GANC: variants seen among roughly 807,000 people sequenced by gnomAD.
The protein encoded by GANC is neutral alpha-glucosidase C.
Under a neutral mutation model 124.2 loss-of-function variants are expected in GANC, and 117 were observed. That is an observed-to-expected ratio of 0.94 (90% CI 0.81 to 1.10). GANC has a LOEUF of 1.10. GANC is among the 50% of genes least tolerant of loss of function. GANC has a pLI of 0.00. For synonymous variants in GANC, 377 were observed against 376.8 expected (o/e 1.00, Z -0.01); for missense variants, 1,140 against 1,095.0 (o/e 1.04, Z -0.58).
At chr15:42,307,442 A>G (rs1595772104) in intron 7 of GANC, among the ~76,000 whole-genome samples, 1 of 150,108 alleles carries the variant, frequency 6.7e-6, no homozygotes, top group African/African-American at 2.5e-5. Context: ...TGAGTGATGC[A>G]CCTGCCTCGG....
chr15:42,277,981 T>A (rs1303091615), intron 2 of GANC: 1 of 244,018 alleles, frequency 4.1e-6, no homozygotes, highest in Non-Finnish European at 8.9e-6. Context: ...AAAAATTGTA[T>A]TATACAGTAT....
intron 5 of GANC, among the ~76,000 whole-genome samples, 183 bp from the exon 6 acceptor site, chr15:42,297,428 G>A (rs946482018): frequency 3.3e-5 from 5 of 152,028 alleles, no homozygotes; most frequent in Admixed American, 6.5e-5. Context: ...CTCCCAAGTA[G>A]CTGGGATTAC....
chr15:42,346,725 CAGG>C (rs1413643766), intron 20 of GANC, among the ~76,000 whole-genome samples: 1 of 152,058 alleles, frequency 6.6e-6, no homozygotes, highest in Non-Finnish European at 1.5e-5. Context: ...AGGCAAAAAA[CAGG>C]AGTTTTCAGT....
chr15:42,292,728 T>C lies in GANC; in HGVS notation c.330-7T>C. ...GCTTGTTTCTCTCTTCCTGTTTTGT[T>C]TTCTAGGCTGATTTCATGCTCTGGG... is the stretch of plus-strand genomic sequence containing the variant. On this transcript the variant is annotated splice_region_variant and splice_polypyrimidine_tract_variant and intron_variant, in intron 4 of 23. Transcript: ENST00000318010. The C allele has an allele frequency of 6.2e-7, 1 of 1,612,342 alleles. No homozygotes were observed. The highest frequency in any genetic ancestry group is 8.5e-7 in the Non-Finnish European group (1 of 1,178,704).
intron 3 of GANC, chr15:42,283,650 G>A: frequency 1.4e-6 from 1 of 702,526 alleles, no homozygotes. Context: ...ACTTCCAGCA[G>A]CTTCTCCGAG....
intron 10 of GANC, chr15:42,313,923 G>A (rs960922089): frequency 3.8e-5 from 23 of 606,806 alleles, no homozygotes; most frequent in Non-Finnish European, 5.5e-5. Context: ...CTGCTCTCCC[G>A]CCTAGACAAC....
chr15:42,328,311 A>G (rs924329791), intron 13 of GANC, among the ~76,000 whole-genome samples: 4 of 152,162 alleles, frequency 2.6e-5, no homozygotes, highest in South Asian at 2.1e-4. Context: ...TTGTACTACT[A>G]TGGCAGAGTT....
chr15:42,348,221 T>A lies in GANC; in HGVS notation c.2418+5T>A. 2 of 1,555,734 alleles carry A rather than the reference T, an allele frequency of 1.3e-6. No homozygotes were observed. Among genetic ancestry groups the A allele is most frequent in the Non-Finnish European group, 1.8e-6 (2 of 1,128,806 alleles). The stretch of plus-strand genomic sequence containing the variant: ...CGGGTTGCTCTAAGCACTAAGGTAT[T>A]TGGTAAATCTGTTACTCATTTTGTT... On this transcript the variant is annotated splice_donor_5th_base_variant and intron_variant, in intron 21 of 23. Coordinates refer to ENST00000318010, the MANE Select transcript of GANC (RefSeq NM_198141.3).
At chr15:42,340,545 A>C (rs2052321434) in intron 17 of GANC, 145 bp from the exon 18 acceptor site, 1 of 608,792 alleles carries the variant, frequency 1.6e-6, no homozygotes, top group East Asian at 3.3e-5. Flanking sequence ...CGGAAACTGC[A>C]GTGAGCCAAG....
intron 10 of GANC, chr15:42,314,951 A>G (rs2052089575): frequency 6.6e-6 from 1 of 152,254 alleles, no homozygotes; most frequent in African/African-American, 2.4e-5. Flanking sequence ...TACAAATGCC[A>G]CCATACACTT....
intron 5 of GANC, among the ~76,000 whole-genome samples, chr15:42,295,070 C>T (rs1192515669): frequency 6.8e-6 from 1 of 148,008 alleles, no homozygotes; most frequent in East Asian, 2.1e-4. Flanking sequence ...CTCCTGGGTT[C>T]ATGCCATTCT....
chr15:42,314,037 A>G (rs1319485800), intron 10 of GANC: 2 of 701,978 alleles, frequency 2.8e-6, no homozygotes, highest in African/African-American at 1.8e-5. Context: ...GAATTTGGAC[A>G]GAGTAGCTCC....
In GANC at chr15:42,338,073, C is replaced by A. The variant is rs113631497; in HGVS notation, c.1742-316C>A. On this transcript the variant is annotated intron_variant, in intron 15 of 23. Transcript: ENST00000318010. Reference sequence around the variant, plus strand: ...AACATGACTCCATCTAAAAAAAAAACAAACCACATGTATTATATGCAAGTT... The same window carrying A: ...AACATGACTCCATCTAAAAAAAAAAAAAACCACATGTATTATATGCAAGTT... 8.9e-3 allele frequency among the ~76,000 whole-genome samples: 1,289 copies of A among 144,724 alleles called. 14 individuals are homozygous for A. Among genetic ancestry groups the A allele is most frequent in the African/African-American group, 0.03 (1,180 of 39,312 alleles). 94.9% of individuals were successfully genotyped at this position (144,724 alleles called of 152,430 possible).
chr15:42,326,183 ATAC>A, intron 11 of GANC, 112 bp from the exon 12 acceptor site: 1 of 703,282 alleles, frequency 1.4e-6, no homozygotes, highest in Non-Finnish European at 2.5e-6. Flanking sequence ...AAATATTTCA[ATAC>A]TAGTTGTAGT....
chr15:42,312,076 A>C (rs1220019508), intron 10 of GANC, among the ~76,000 whole-genome samples: 2 of 152,220 alleles, frequency 1.3e-5, no homozygotes, highest in Admixed American at 1.3e-4. Flanking sequence ...GTTGGAAGGC[A>C]ATGTTAAGAT....
intron 10 of GANC, chr15:42,314,379 A>C (rs1196346281): frequency 2.1e-6 from 1 of 485,900 alleles, no homozygotes; most frequent in Non-Finnish European, 3.7e-6. Context: ...AACTTCTACC[A>C]GCACCTTTTG....
intron 2 of GANC, among the ~76,000 whole-genome samples, chr15:42,277,529 T>TA (rs76243637): frequency 5.9e-4 from 82 of 139,668 alleles, no homozygotes; most frequent in Middle Eastern, 3.6e-3. Context: ...AAACTCCGTC[T>TA]AAAAAAAAAA....
intron 13 of GANC, 48 bp from the exon 14 acceptor site, chr15:42,329,258 A>G: frequency 1.3e-6 from 2 of 1,572,948 alleles, no homozygotes; most frequent in Non-Finnish European, 1.7e-6. Flanking sequence ...CAGCTATTAT[A>G]TAGACATCAT....
chr15:42,349,341 C>T (rs2141085065), intron 21 of GANC, 42 bp from the exon 22 acceptor site: 2 of 1,193,270 alleles, frequency 1.7e-6, no homozygotes. Flanking sequence ...TCCTGTAAAG[C>T]TATCATATAA....
Sources: allele counts gnomAD v4.1 joint callset (sites outside exome capture counted in the v4.1 genomes callset), GRCh38; gene constraint gnomAD v4.1.1; transcripts MANE v1.5; gene names NCBI Gene and HGNC (gene_info 2026-07-23, HGNC 2026-07-21).